Variants in DEPDC5 observed in about 807,000 individuals in gnomAD.
The protein encoded by DEPDC5 is GATOR1 complex protein DEPDC5.
In DEPDC5, 73 loss-of-function variants were observed where a neutral mutation model predicts 217.3. The observed-to-expected ratio is 0.34, with a 90% CI of 0.28 to 0.41. The LOEUF (loss-of-function observed/expected upper bound fraction) is 0.41, where lower values mean the gene tolerates loss of function less well. Ranked by LOEUF, DEPDC5 falls within the 10% of genes least tolerant of loss-of-function variation. The probability of loss-of-function intolerance (pLI) is 1.00; values close to 1 mark genes in which losing one functional copy is unlikely to be tolerated. For missense variants in DEPDC5, 1,675 were observed against 2,070.1 expected, an observed-to-expected ratio of 0.81 and a Z score of 3.70; for synonymous variants, 733 against 756.7, an observed-to-expected ratio of 0.97 and a Z score of 0.51.
chr22:31,785,757 T>C (rs1569520060), intron 10 of DEPDC5, among the ~76,000 whole-genome samples: 1 of 152,160 alleles, frequency 6.6e-6, no homozygotes, highest in Non-Finnish European at 1.5e-5. Flanking sequence ...TAAGGATAGA[T>C]ATATAGATCA....
At chr22:31,795,510 C>G (rs2148546002) in intron 12 of DEPDC5, among the ~76,000 whole-genome samples, 1 of 152,196 alleles carries the variant, frequency 6.6e-6, no homozygotes, top group South Asian at 2.1e-4. Flanking sequence ...TCTCCTGCCT[C>G]AGCCTCCTGA....
intron 38 of DEPDC5, among the ~76,000 whole-genome samples, chr22:31,881,445 C>T (rs111650872): frequency 0.014 from 2,186 of 152,214 alleles, 20 homozygotes; most frequent in Middle Eastern, 0.031. Flanking sequence ...CTTAGGCAGT[C>T]ATGACTTGCT....
In DEPDC5 at chr22:31,907,923, GCCTT is replaced by G. The variant is rs941168418; in HGVS notation, c.*1431_*1434del. 3 of 152,346 alleles carry G rather than the reference GCCTT, an allele frequency of 2.0e-5. No homozygotes were observed. Among genetic ancestry groups the G allele is most frequent in the Non-Finnish European group, 4.4e-5 (3 of 68,054 alleles). The allele number at this position is 152,346 out of a possible 1,614,324, so 9.4% of individuals were successfully genotyped here. ...AGGCCCTGAGCTGCCACTCAGTCCA[GCCTT>G]CCTTTGTCTTTCTCTTAGATCCCCA... On this transcript the variant is annotated 3_prime_UTR_variant, in exon 43 of 43. Coordinates refer to ENST00000651528, the MANE Select transcript of DEPDC5 (RefSeq NM_001242896.3).
intron 34 of DEPDC5, 34 bp downstream of exon 34, chr22:31,870,778 G>C: frequency 6.7e-7 from 1 of 1,500,470 alleles, no homozygotes; most frequent in Non-Finnish European, 8.9e-7. Context: ...CATGTTCCTG[G>C]GGAGTGGGGA....
chr22:31,838,724 A>G lies in DEPDC5; in HGVS notation c.2394A>G (p.Val798=), dbSNP rs2148968172. Residue 798 remains valine, a synonymous_variant, in exon 27 of 43, where the codon GTA becomes GTG. Transcript: ENST00000651528. ...GTGTGCAGATGACAGCCCAGCAGGT[A>G]TTTGAAGAGTTTATTTGCCAACGTC... The part of the protein sequence containing the change: ...EDGVQMTAQQ[V]FEEFICQRLM... 1 of 1,614,166 alleles carries G rather than the reference A, an allele frequency of 6.2e-7. No individual in the cohort carries two copies. Among genetic ancestry groups the G allele is most frequent in the Non-Finnish European group, 8.5e-7 (1 of 1,180,022 alleles).
intron 25 of DEPDC5, 29 bp downstream of exon 25, chr22:31,834,009 G>T (rs954094331): frequency 6.2e-7 from 1 of 1,607,406 alleles, no homozygotes. Flanking sequence ...CTGGGGAAAG[G>T]GGTAGACAGG....
intron 24 of DEPDC5, chr22:31,826,413 A>G (rs185440034): frequency 7.6e-4 from 308 of 405,176 alleles, no homozygotes; most frequent in Non-Finnish European, 8.4e-4. Context: ...TTACAATAAC[A>G]TATTTTGTAT....
intron 39 of DEPDC5, among the ~76,000 whole-genome samples, chr22:31,895,204 G>A (rs1189318934): frequency 6.6e-6 from 1 of 151,740 alleles, no homozygotes; most frequent in African/African-American, 2.4e-5. Context: ...GGTGCTACTG[G>A]TGTCTAGTGG....
At chr22:31,894,120 G>A (rs2093497966) in intron 39 of DEPDC5, 1 of 158,396 alleles carries the variant, frequency 6.3e-6, no homozygotes, top group Non-Finnish European at 1.4e-5. Context: ...TCCCCAGGAA[G>A]GGGGAGTATT....
intron 38 of DEPDC5, chr22:31,880,037 G>A (rs1210427167): frequency 9.6e-6 from 4 of 417,298 alleles, no homozygotes; most frequent in Non-Finnish European, 1.8e-5. Context: ...CAATTTTCCC[G>A]AGGGTTCTGT....
intron 39 of DEPDC5, 178 bp downstream of exon 39, chr22:31,893,929 A>G (rs980531314): frequency 2.8e-6 from 2 of 711,340 alleles, no homozygotes; most frequent in East Asian, 6.8e-5. Context: ...TAAGCAATCA[A>G]AAAAGGTAGA....
intron 12 of DEPDC5, among the ~76,000 whole-genome samples, chr22:31,797,233 C>T (rs543454721): frequency 1.3e-5 from 2 of 151,984 alleles, no homozygotes; most frequent in African/African-American, 4.8e-5. Context: ...AAGACATACC[C>T]AAGACTGGGT....
At chr22:31,822,912 G>C in intron 24 of DEPDC5, 122 bp downstream of exon 24, 1 of 991,772 alleles carries the variant, frequency 1.0e-6, no homozygotes, top group Non-Finnish European at 1.5e-6. Context: ...ACACTTTTGG[G>C]TGACCTATTT....
At chr22:31,843,916 T>C in intron 29 of DEPDC5, 104 bp downstream of exon 29, 1 of 1,275,496 alleles carries the variant, frequency 7.8e-7, no homozygotes, top group Non-Finnish European at 1.0e-6. Context: ...CTTTTTCTTT[T>C]TTTTTTTCTT....
At chr22:31,783,061 T>C (rs1260231532) in intron 8 of DEPDC5, among the ~76,000 whole-genome samples, 2 of 152,178 alleles carry the variant, frequency 1.3e-5, no homozygotes, top group Non-Finnish European at 2.9e-5. Flanking sequence ...TCTGTCTAGC[T>C]AGAGGATTGT....
chr22:31,879,113 T>A (rs2093102534), intron 37 of DEPDC5, among the ~76,000 whole-genome samples: 1 of 134,036 alleles, frequency 7.5e-6, no homozygotes, highest in Admixed American at 7.7e-5. Flanking sequence ...TATACATATA[T>A]ATACACATAT....
chr22:31,838,147 G>T (rs1426451930), intron 26 of DEPDC5, among the ~76,000 whole-genome samples: 1 of 151,848 alleles, frequency 6.6e-6, no homozygotes, highest in East Asian at 1.9e-4. Flanking sequence ...CAATTATTTT[G>T]GGCACACTAA....
intron 37 of DEPDC5, among the ~76,000 whole-genome samples, chr22:31,877,096 T>C (rs1338094102): frequency 1.3e-5 from 2 of 151,134 alleles, no homozygotes; most frequent in African/African-American, 4.9e-5. Flanking sequence ...TGAGCCGAGA[T>C]TGTGCTGCTG....
intron 22 of DEPDC5, 139 bp downstream of exon 22, chr22:31,819,364 T>G: frequency 1.2e-6 from 1 of 812,900 alleles, no homozygotes; most frequent in Non-Finnish European, 1.9e-6. Flanking sequence ...ACTTTGGCCA[T>G]CCCAGGGGTT....
Sources: allele counts gnomAD v4.1 joint callset (sites outside exome capture counted in the v4.1 genomes callset), GRCh38; gene constraint gnomAD v4.1.1; transcripts MANE v1.5; gene names NCBI Gene and HGNC (gene_info 2026-07-23, HGNC 2026-07-21).